The following ARHGEF28 variants were observed in gnomAD, a reference collection of about 807,000 sequenced individuals.
ARHGEF28 encodes the protein 190 kDa guanine nucleotide exchange factor.
Under a neutral mutation model 206.6 loss-of-function variants are expected in ARHGEF28, and 152 were observed. The ratio of observed to expected loss-of-function variants is 0.74; its 90% CI spans 0.64 to 0.84. The LOEUF is 0.84. ARHGEF28 is among the 40% of genes least tolerant of loss of function. The probability of loss-of-function intolerance (pLI) is 0.00; values close to 1 mark genes in which losing one functional copy is unlikely to be tolerated. For synonymous variants in ARHGEF28, 763 were observed against 776.4 expected (o/e 0.98, Z 0.29); for missense variants, 2,028 against 2,073.2 (o/e 0.98, Z 0.42).
intron 2 of ARHGEF28, among the ~76,000 whole-genome samples, chr5:73,749,050 G>A (rs1399840735): frequency 2.6e-5 from 4 of 152,148 alleles, no homozygotes; most frequent in Non-Finnish European, 4.4e-5. Flanking sequence ...GACCTGAGGT[G>A]GCAGCTCCTC....
intron 35 of ARHGEF28, among the ~76,000 whole-genome samples, chr5:73,921,241 T>G (rs745485029): frequency 1.1e-4 from 17 of 152,204 alleles, no homozygotes; most frequent in Non-Finnish European, 2.4e-4. Flanking sequence ...TGGTTGAATC[T>G]TAAGAAATAG....
chr5:73,748,128 T>A (rs900252780), intron 2 of ARHGEF28, among the ~76,000 whole-genome samples: 1 of 152,202 alleles, frequency 6.6e-6, no homozygotes, highest in African/African-American at 2.4e-5. Flanking sequence ...TGTTCTTCCT[T>A]TTTTAGGAAA....
rs552150287 is a variant in ARHGEF28, at chr5:73,715,815, T to C, written c.33+30931T>C. On this transcript the variant is annotated intron_variant, in intron 2 of 35. Transcript: ENST00000513042. ...ACTCCTAACAGTCATCTCTGAGGAG[T>C]TGTGCCTTGAATTTTCAAATAAAAT... Among the ~76,000 whole-genome samples, 29 of 152,276 alleles carry C rather than the reference T, an allele frequency of 1.9e-4. No individual in the cohort carries two copies. In the South Asian group the frequency reaches 3.9e-3, roughly 21 times the overall value.
chr5:73,858,826 A>G (rs1454772569), intron 16 of ARHGEF28, among the ~76,000 whole-genome samples: 1 of 152,194 alleles, frequency 6.6e-6, no homozygotes, highest in Non-Finnish European at 1.5e-5. Flanking sequence ...ATGGCTTCCT[A>G]TACCTCAAGT....
At chr5:73,939,221 T>C (rs1742423372) in intron 35 of ARHGEF28, among the ~76,000 whole-genome samples, 1 of 152,110 alleles carries the variant, frequency 6.6e-6, no homozygotes, top group Non-Finnish European at 1.5e-5. Context: ...AGCCTGTAAA[T>C]TGTGGGTTTT....
rs370488375 is a variant in ARHGEF28, at chr5:73,883,745, A to C, written c.2938-22A>C. 1.6e-3 allele frequency: 2,362 copies of C among 1,470,642 alleles called. 9 individuals carry two copies. The highest frequency in any genetic ancestry group is 2.0e-3 in the Non-Finnish European group (2,163 of 1,085,434). The allele number at this position is 1,470,642 out of a possible 1,614,324, so 91.1% of individuals were successfully genotyped here. ...GTAAATACAGGTAGAATTTGTGTAC[A>C]TAAAAGTATATATTTTTTAAGCTCC... On this transcript the variant is annotated intron_variant, in intron 23 of 35. Transcript: ENST00000513042.
At chr5:73,646,702 G>T (rs899009970) in intron 1 of ARHGEF28, among the ~76,000 whole-genome samples, 3 of 152,146 alleles carry the variant, frequency 2.0e-5, no homozygotes, top group Non-Finnish European at 4.4e-5. Flanking sequence ...AAAAGTATTT[G>T]CTCTTTAGGA....
intron 7 of ARHGEF28, among the ~76,000 whole-genome samples, chr5:73,791,288 C>T (rs1320298231): frequency 6.6e-6 from 1 of 152,222 alleles, no homozygotes; most frequent in African/African-American, 2.4e-5. Flanking sequence ...CATTCAAAGA[C>T]TATGAACTAC....
chr5:73,794,796 G>A (rs1356265181), intron 8 of ARHGEF28, among the ~76,000 whole-genome samples: 1 of 152,044 alleles, frequency 6.6e-6, no homozygotes, highest in Non-Finnish European at 1.5e-5. Flanking sequence ...TAGTAGAGAT[G>A]GGGTTTTGCC....
intron 4 of ARHGEF28, among the ~76,000 whole-genome samples, chr5:73,764,172 A>T (rs1446516936): frequency 1.3e-5 from 2 of 152,200 alleles, no homozygotes; most frequent in African/African-American, 4.8e-5. Flanking sequence ...GAAACTTGAG[A>T]ATTAAATGGC....
intron 22 of ARHGEF28, 119 bp downstream of exon 22, chr5:73,873,365 G>A (rs1251824157): frequency 1.5e-6 from 2 of 1,302,998 alleles, no homozygotes; most frequent in Non-Finnish European, 2.1e-6. Flanking sequence ...GTGACATTCT[G>A]AGGATGTGTT....
chr5:73,815,714 C>T (rs1756163199), intron 9 of ARHGEF28, among the ~76,000 whole-genome samples: 1 of 152,142 alleles, frequency 6.6e-6, no homozygotes, highest in African/African-American at 2.4e-5. Flanking sequence ...GTAGGGAATG[C>T]ATTTATCATG....
intron 2 of ARHGEF28, among the ~76,000 whole-genome samples, chr5:73,725,525 T>C (rs1020649346): frequency 6.6e-6 from 1 of 152,228 alleles, no homozygotes; most frequent in Non-Finnish European, 1.5e-5. Context: ...GTCCTTTACT[T>C]TCATAAAATA....
At chr5:73,840,380 G>T (rs568347875) in intron 10 of ARHGEF28, 100 bp from the exon 11 acceptor site, 5 of 1,243,654 alleles carry the variant, frequency 4.0e-6, no homozygotes, top group Non-Finnish European at 5.6e-6. Context: ...CTCCTACCAC[G>T]CCTGGCCAGA....
rs948635189 is a variant in ARHGEF28, at chr5:73,651,570, C to G, written c.-12+25248C>G. 2.6e-5 allele frequency among the ~76,000 whole-genome samples: 4 copies of G among 152,278 alleles called. No individual in the cohort carries two copies. In the South Asian group the frequency reaches 8.3e-4, roughly 32 times the overall value. On this transcript the variant is annotated intron_variant, in intron 1 of 35. Coordinates refer to ENST00000513042, the MANE Select transcript of ARHGEF28 (RefSeq NM_001177693.2). ...ATATAGGGCCTGGTGTGTAGAAAAC[C>G]TGCAGTCAATGACAGCTTGTTGTTA...
intron 2 of ARHGEF28, among the ~76,000 whole-genome samples, chr5:73,732,018 T>C (rs1317843391): frequency 2.0e-5 from 3 of 149,370 alleles, no homozygotes; most frequent in African/African-American, 7.4e-5. Flanking sequence ...TAGTGAACTT[T>C]TTTTTTTTTT....
intron 2 of ARHGEF28, among the ~76,000 whole-genome samples, chr5:73,710,304 A>G (rs1238603810): frequency 6.6e-6 from 1 of 152,202 alleles, no homozygotes; most frequent in African/African-American, 2.4e-5. Context: ...CCTAGTGAAC[A>G]GTAATGCTGA....
At chr5:73,879,952 T>G (rs1760803291) in intron 22 of ARHGEF28, among the ~76,000 whole-genome samples, 1 of 152,214 alleles carries the variant, frequency 6.6e-6, no homozygotes, top group Non-Finnish European at 1.5e-5. Context: ...ACTGCTGTCT[T>G]CAAAGCTGTC....
At chr5:73,933,933 TCC>T (rs66720009) in intron 35 of ARHGEF28, among the ~76,000 whole-genome samples, 2 of 141,818 alleles carry the variant, frequency 1.4e-5, no homozygotes, top group African/African-American at 6.2e-5. Context: ...TTTTTTTTTT[TCC>T]CCCTCAGTTT....
Sources: allele counts gnomAD v4.1 joint callset (sites outside exome capture counted in the v4.1 genomes callset), GRCh38; gene constraint gnomAD v4.1.1; transcripts MANE v1.5; gene names NCBI Gene and HGNC (gene_info 2026-07-23, HGNC 2026-07-21).